The following MAP3K8 variants were observed in gnomAD, a reference collection of about 807,000 sequenced individuals.
The protein encoded by MAP3K8 is mitogen-activated protein kinase kinase kinase 8.
In MAP3K8, 22 loss-of-function variants were observed where a neutral mutation model predicts 45.8. The ratio of observed to expected loss-of-function variants is 0.48; its 90% CI spans 0.34 to 0.69. The LOEUF is 0.69. Among genes scored for constraint, MAP3K8 ranks in the 30% least tolerant of loss-of-function variants. MAP3K8 has a pLI of 0.01. For synonymous variants in MAP3K8, 223 were observed against 214.3 expected, an observed-to-expected ratio of 1.04 and a Z score of -0.36; for missense variants, 419 against 585.0, an observed-to-expected ratio of 0.72 and a Z score of 2.93.
At chr10:30,440,613 C>T (rs1048380254) in intron 3 of MAP3K8, among the ~76,000 whole-genome samples, 1 of 151,988 alleles carries the variant, frequency 6.6e-6, no homozygotes, top group Non-Finnish European at 1.5e-5. Context: ...AGTACTTTAC[C>T]TTCAGAATAT....
At chr10:30,455,426 T>C (rs1041389005) in intron 6 of MAP3K8, among the ~76,000 whole-genome samples, 12 of 152,214 alleles carry the variant, frequency 7.9e-5, no homozygotes, top group African/African-American at 2.9e-4. Context: ...ATGCAAACCC[T>C]GGTTACCCCT....
rs778866736 is a variant in MAP3K8, at chr10:30,450,345, C to T, written c.592C>T (p.Leu198=). 3 of 1,613,968 alleles carry T rather than the reference C, an allele frequency of 1.9e-6. No individual in the cohort carries two copies. Among genetic ancestry groups the T allele is most frequent in the Non-Finnish European group, 2.5e-6 (3 of 1,180,020 alleles). The change falls in exon 5 of 9, where the codon CTG becomes TTG. Residue 198 remains leucine, a synonymous_variant. Coordinates refer to ENST00000263056, the MANE Select transcript of MAP3K8 (RefSeq NM_005204.4). ...CATCGCAGAGCTGTATGGCGCAGTC[C>T]TGTGGGGTGAAACTGTCCATCTCTT... The part of the protein sequence containing the change: ...ENIAELYGAV[L]WGETVHLFME...
chr10:30,451,235 G>A (rs1454206694), intron 5 of MAP3K8, among the ~76,000 whole-genome samples: 1 of 152,072 alleles, frequency 6.6e-6, no homozygotes. Flanking sequence ...TTTTCTAGGA[G>A]TCTGATATGA....
chr10:30,453,801 TG>T (rs1325872453), intron 6 of MAP3K8, among the ~76,000 whole-genome samples: 5 of 134,192 alleles, frequency 3.7e-5, no homozygotes, highest in Non-Finnish European at 1.6e-5. Context: ...GCCAAGGAGG[TG>T]GGGGTGGTTT....
chr10:30,455,828 G>C (rs2132826928), intron 6 of MAP3K8, among the ~76,000 whole-genome samples: 1 of 152,318 alleles, frequency 6.6e-6, no homozygotes, highest in Non-Finnish European at 1.5e-5. Context: ...GGTCCCACCA[G>C]GGCTGTTTCA....
chr10:30,440,380 A>G (rs986329964), intron 3 of MAP3K8, among the ~76,000 whole-genome samples: 1 of 152,218 alleles, frequency 6.6e-6, no homozygotes, highest in Non-Finnish European at 1.5e-5. Flanking sequence ...TCGGTGCTGA[A>G]TGAGTGCGGA....
chr10:30,448,387 C>T (rs936911669), intron 4 of MAP3K8, among the ~76,000 whole-genome samples: 8 of 149,608 alleles, frequency 5.3e-5, no homozygotes, highest in African/African-American at 2.0e-4. Flanking sequence ...TTAAATACAT[C>T]AATGATTGAA....
intron 3 of MAP3K8, among the ~76,000 whole-genome samples, chr10:30,439,762 T>C (rs965089733): frequency 5.9e-5 from 9 of 151,714 alleles, no homozygotes; most frequent in Non-Finnish European, 1.3e-4. Context: ...TGAGCCGAGA[T>C]CACACCACTG....
Position 30,445,025 on chromosome 10 carries a change from A to G in MAP3K8, c.337-2757A>G, listed in dbSNP as rs899814723. ...GATAATGTATTGAAGTACTGAGCAC[A>G]TTGCTGTACTTAGAACTCAACAAAT... On this transcript the variant is annotated intron_variant, in intron 3 of 8. Coordinates refer to ENST00000263056, the MANE Select transcript of MAP3K8 (RefSeq NM_005204.4). Among the ~76,000 whole-genome samples, 9 of 152,356 alleles carry G rather than the reference A, an allele frequency of 5.9e-5. No individual in the cohort carries two copies. In the East Asian group the frequency reaches 1.7e-3, roughly 29 times the overall value.
intron 4 of MAP3K8, among the ~76,000 whole-genome samples, chr10:30,449,770 A>G (rs959387073): frequency 1.3e-5 from 2 of 152,164 alleles, no homozygotes; most frequent in African/African-American, 4.8e-5. Context: ...TTGGCCTCCC[A>G]AAGTGTTGGG....
chr10:30,439,397 AATC>A, intron 3 of MAP3K8, 123 bp downstream of exon 3: 2 of 1,451,602 alleles, frequency 1.4e-6, no homozygotes, highest in Admixed American at 2.7e-5. Flanking sequence ...TAAAAAATGT[AATC>A]ATCAGTAAGA....
chr10:30,440,355 A>G lies in MAP3K8; in HGVS notation c.336+1081A>G, dbSNP rs73247413. ...GGTGTATCTAAATGGCAAAATGGCT[A>G]ATGTTGGGGGAAAGTCGGTGCTGAA... On this transcript the variant is annotated intron_variant, in intron 3 of 8. Transcript: ENST00000263056. 3.6e-3 allele frequency among the ~76,000 whole-genome samples: 541 copies of G among 152,300 alleles called. 1 individual carries two copies. The highest frequency in any genetic ancestry group is 0.012 in the African/African-American group (503 of 41,558).
At chr10:30,447,645 G>C (rs1836386736) in intron 3 of MAP3K8, 137 bp from the exon 4 acceptor site, 1 of 721,850 alleles carries the variant, frequency 1.4e-6, no homozygotes. Context: ...ACAGTTGGTA[G>C]GATTAAGCAC....
At chr10:30,456,309 G>A (rs1038449744) in intron 6 of MAP3K8, among the ~76,000 whole-genome samples, 1 of 152,130 alleles carries the variant, frequency 6.6e-6, no homozygotes, top group African/African-American at 2.4e-5. Context: ...TTAAGTTTGT[G>A]ATATATTTAG....
chr10:30,441,064 A>G (rs983981406), intron 3 of MAP3K8, among the ~76,000 whole-genome samples: 3 of 152,234 alleles, frequency 2.0e-5, no homozygotes. Context: ...AGATGAGGAT[A>G]AAATTGTATC....
intron 2 of MAP3K8, among the ~76,000 whole-genome samples, chr10:30,438,067 T>C (rs1400901489): frequency 2.0e-5 from 3 of 152,250 alleles, no homozygotes; most frequent in Non-Finnish European, 4.4e-5. Flanking sequence ...CAATTTTGGT[T>C]AATATAGTCA....
At position 30,458,192 on chromosome 10, in the gene MAP3K8, G is replaced by C. The variant is rs548193504; in HGVS notation, c.982G>C (p.Val328Leu). The C allele has an allele frequency of 6.3e-7, 1 of 1,586,258 alleles. No individual in the cohort carries two copies. The highest frequency in any genetic ancestry group is 2.3e-5 in the East Asian group (1 of 43,006). The change falls in exon 7 of 9, where the codon GTG becomes CTG. Residue 328 changes from valine (V) to leucine (L), a missense_variant. Around this residue, in one of 3 missense-constraint regions of MAP3K8, gnomAD observed 209 missense variants for 367.3 expected, o/e 0.57. Transcript: ENST00000263056. Reference sequence around the variant, plus strand: ...CATGCAGACGGGCACCCCACCCTGGGTGAAGCGCTACCCTCGCTCAGCCTA... The same window carrying C: ...CATGCAGACGGGCACCCCACCCTGGCTGAAGCGCTACCCTCGCTCAGCCTA... Reference protein sequence around the residue: ...IHMQTGTPPWVKRYPRSAYPS... With the variant: ...IHMQTGTPPWLKRYPRSAYPS...
At chr10:30,448,295 G>A (rs940527225) in intron 4 of MAP3K8, among the ~76,000 whole-genome samples, 18 of 152,048 alleles carry the variant, frequency 1.2e-4, no homozygotes, top group Non-Finnish European at 2.2e-4. Flanking sequence ...CTTTCATTCC[G>A]CCCACTGCAG....
intron 2 of MAP3K8, among the ~76,000 whole-genome samples, chr10:30,437,829 C>A (rs942839062): frequency 4.6e-5 from 7 of 152,182 alleles, no homozygotes; most frequent in Non-Finnish European, 1.0e-4. Flanking sequence ...ACTTGAAATA[C>A]CTTTCAGAAA....
Sources: gnomAD v4.1 joint callset for allele counts (sites outside exome capture counted in the v4.1 genomes callset) on GRCh38, gnomAD v4.1.1 for gene constraint, gnomAD v4.1.1 regional missense constraint, MANE v1.5 for transcripts, NCBI Gene and HGNC (gene_info 2026-07-23, HGNC 2026-07-21) for gene names.